The following CNTNAP4 variants were observed in gnomAD, a reference collection of about 807,000 sequenced individuals.
CNTNAP4 encodes the protein contactin-associated protein-like 4.
CNTNAP4 carries 98 observed loss-of-function variants against 148.4 expected under a neutral mutation model. The observed-to-expected ratio is 0.66, with a 90% confidence interval of 0.56 to 0.78. The LOEUF (loss-of-function observed/expected upper bound fraction) is 0.78. CNTNAP4 is among the 30% of genes least tolerant of loss of function. The pLI is 0.00. For missense variants in CNTNAP4, 1,935 were observed against 1,565.6 expected (o/e 1.24, Z -3.98); for synonymous variants, 730 against 565.1 (o/e 1.29, Z -4.14).
chr16:76,463,844 G>A (rs1193493839), intron 9 of CNTNAP4, among the ~76,000 whole-genome samples: 1 of 151,882 alleles, frequency 6.6e-6, no homozygotes, highest in East Asian at 1.9e-4. Context: ...CATCTATTAA[G>A]GTGTTTCTAA....
chr16:76,383,408 A>C (rs899642561), intron 3 of CNTNAP4, among the ~76,000 whole-genome samples: 8 of 152,004 alleles, frequency 5.3e-5, no homozygotes, highest in Non-Finnish European at 7.4e-5. Context: ...AAAAAAAAAA[A>C]AAAACGTATC....
intron 21 of CNTNAP4, among the ~76,000 whole-genome samples, chr16:76,548,079 T>C (rs2084809706): frequency 6.6e-6 from 1 of 152,234 alleles, no homozygotes; most frequent in South Asian, 2.1e-4. Flanking sequence ...TGTGCATTAA[T>C]CAGGCTTTCA....
chr16:76,309,847 G>C (rs1288322984), intron 1 of CNTNAP4: 3 of 700,804 alleles, frequency 4.3e-6, no homozygotes, highest in Non-Finnish European at 5.2e-6. Flanking sequence ...CGCTTTTGCT[G>C]CTTCCTCATT....
chr16:76,307,170 A>C (rs1960563487), intron 1 of CNTNAP4, among the ~76,000 whole-genome samples: 1 of 152,184 alleles, frequency 6.6e-6, no homozygotes, highest in Admixed American at 6.5e-5. Flanking sequence ...ATGTTTGGCC[A>C]ACAATGTATA....
At chr16:76,318,423 A>G (rs1317367754) in intron 2 of CNTNAP4, among the ~76,000 whole-genome samples, 1 of 151,962 alleles carries the variant, frequency 6.6e-6, no homozygotes, top group Non-Finnish European at 1.5e-5. Context: ...TTCTTAATTC[A>G]TTTCTATGGC....
chr16:76,297,931 T>C (rs570258213), intron 1 of CNTNAP4, among the ~76,000 whole-genome samples: 1 of 152,308 alleles, frequency 6.6e-6, no homozygotes, highest in South Asian at 2.1e-4. Context: ...CCTCATCTAC[T>C]CTTTATGTCA....
intron 4 of CNTNAP4, 56 bp from the exon 5 acceptor site, chr16:76,447,956 G>T: frequency 7.7e-7 from 1 of 1,302,060 alleles, no homozygotes; most frequent in East Asian, 2.3e-5. Flanking sequence ...CATTTAAAAT[G>T]ATTTAATGGA....
chr16:76,330,445 T>G (rs186204900), intron 2 of CNTNAP4, among the ~76,000 whole-genome samples: 92 of 152,326 alleles, frequency 6.0e-4, no homozygotes, highest in African/African-American at 2.0e-3. Flanking sequence ...GTGGCCTTGT[T>G]GTGTGCCTGC....
At position 76,538,292 on chromosome 16, in the gene CNTNAP4, G is replaced by A; in HGVS notation, c.3172G>A (p.Val1058Met). 6.2e-7 allele frequency: 1 copy of A among 1,607,250 alleles called. No homozygotes were observed. Among genetic ancestry groups the A allele is most frequent in the Non-Finnish European group, 8.5e-7 (1 of 1,177,570 alleles). ...TTRTPSLLLF[V>M]SSFYKEYLSV... is the part of the protein sequence containing the mutation. ...ACGAACACCAAGCTTGCTGCTTTTT[G>A]TGAGCTCCTTTTACAAAGAATACCT... The change falls in exon 19 of 24, where the codon GTG becomes ATG. Residue 1058 changes from valine (V) to methionine (M), a missense_variant. Val to Met is a conservative substitution (Grantham distance 21). Coordinates refer to ENST00000611870, the MANE Select transcript of CNTNAP4 (RefSeq NM_033401.5).
intron 14 of CNTNAP4, among the ~76,000 whole-genome samples, chr16:76,498,362 A>G (rs2082479108): frequency 6.8e-6 from 1 of 146,982 alleles, no homozygotes; most frequent in African/African-American, 2.4e-5. Flanking sequence ...ACTGCACTCC[A>G]GCCTGGGAGA....
At chr16:76,329,536 A>T (rs765579442) in intron 2 of CNTNAP4, among the ~76,000 whole-genome samples, 109 of 152,318 alleles carry the variant, frequency 7.2e-4, no homozygotes, top group Non-Finnish European at 1.3e-3. Flanking sequence ...CATAGAAAAA[A>T]TTGTGTGATT....
chr16:76,455,221 G>A (rs1304644387), intron 8 of CNTNAP4, among the ~76,000 whole-genome samples: 1 of 152,116 alleles, frequency 6.6e-6, no homozygotes, highest in Non-Finnish European at 1.5e-5. Flanking sequence ...ACAGTTTTAT[G>A]TTCCCATTTA....
chr16:76,542,640 C>T (rs370935225), intron 21 of CNTNAP4, among the ~76,000 whole-genome samples: 1 of 152,170 alleles, frequency 6.6e-6, no homozygotes, highest in African/African-American at 2.4e-5. Context: ...ATGAGGCAAT[C>T]TGTCTAAAAA....
At chr16:76,424,775 A>G (rs2079321483) in intron 3 of CNTNAP4, among the ~76,000 whole-genome samples, 1 of 151,886 alleles carries the variant, frequency 6.6e-6, no homozygotes, top group South Asian at 2.1e-4. Flanking sequence ...CAAAAACAAA[A>G]ACAAAAAGAC....
intron 3 of CNTNAP4, among the ~76,000 whole-genome samples, chr16:76,375,209 G>A (rs1048924101): frequency 7.9e-5 from 12 of 152,006 alleles, no homozygotes; most frequent in South Asian, 4.2e-4. Context: ...ATAACTTGAC[G>A]TCAGAAGTTC....
intron 2 of CNTNAP4, among the ~76,000 whole-genome samples, chr16:76,333,368 G>T (rs777137288): frequency 4.6e-5 from 7 of 152,130 alleles, no homozygotes; most frequent in Non-Finnish European, 1.5e-5. Flanking sequence ...CAAATCTGCT[G>T]TTGAAGTCCT....
At chr16:76,402,912 A>G (rs1263272227) in intron 3 of CNTNAP4, among the ~76,000 whole-genome samples, 1 of 152,114 alleles carries the variant, frequency 6.6e-6, no homozygotes, top group African/African-American at 2.4e-5. Flanking sequence ...TGTGTTTTGT[A>G]TAAGTTAGGT....
intron 3 of CNTNAP4, among the ~76,000 whole-genome samples, chr16:76,383,016 A>C (rs1435716213): frequency 6.6e-6 from 1 of 152,184 alleles, no homozygotes; most frequent in Non-Finnish European, 1.5e-5. Context: ...TTATAGAACA[A>C]AACGTTTCTT....
intron 17 of CNTNAP4, among the ~76,000 whole-genome samples, chr16:76,528,246 A>G (rs1267514535): frequency 6.6e-6 from 1 of 152,066 alleles, no homozygotes; most frequent in Non-Finnish European, 1.5e-5. Context: ...ATTAGCATTA[A>G]GTTTTTTGAG....
Sources: gnomAD v4.1 joint callset for allele counts (sites outside exome capture counted in the v4.1 genomes callset) on GRCh38, gnomAD v4.1.1 for gene constraint, MANE v1.5 for transcripts, NCBI Gene and HGNC (gene_info 2026-07-23, HGNC 2026-07-21) for gene names.